RGL1: variants seen among roughly 807,000 people sequenced by gnomAD.
RGL1 encodes ral guanine nucleotide dissociation stimulator like 1.
In RGL1, 24 loss-of-function variants were observed where a neutral mutation model predicts 95.2. The ratio of observed to expected loss-of-function variants is 0.25; its 90% CI spans 0.18 to 0.35. The LOEUF (loss-of-function observed/expected upper bound fraction) is 0.35. Among genes scored for constraint, RGL1 ranks in the 10% least tolerant of loss-of-function variants. The pLI is 1.00. For synonymous variants in RGL1, 329 were observed against 344.9 expected (o/e 0.95, Z 0.51); for missense variants, 715 against 936.3 (o/e 0.76, Z 3.08).
At chr1:183,848,219 C>T (rs889949830) in intron 3 of RGL1, among the ~76,000 whole-genome samples, 4 of 151,950 alleles carry the variant, frequency 2.6e-5, no homozygotes, top group African/African-American at 7.3e-5. Flanking sequence ...AATGATGATG[C>T]GATGATGATG....
At chr1:183,779,734 G>A (rs550030613) in intron 2 of RGL1, among the ~76,000 whole-genome samples, 1 of 152,124 alleles carries the variant, frequency 6.6e-6, no homozygotes, top group East Asian at 1.9e-4. Context: ...GATTGTGTTG[G>A]AAACTTTAAA....
At chr1:183,870,377 G>GT (rs1310733071) in intron 4 of RGL1, among the ~76,000 whole-genome samples, 1 of 117,480 alleles carries the variant, frequency 8.5e-6, no homozygotes, top group East Asian at 2.6e-4. Flanking sequence ...TCCGGCCAGG[G>GT]TAGGTGTCTT....
At chr1:183,883,954 TAG>T in intron 6 of RGL1, 44 bp downstream of exon 6, 1 of 1,604,876 alleles carries the variant, frequency 6.2e-7, no homozygotes, top group Admixed American at 1.7e-5. Context: ...ACTTAAAACA[TAG>T]GGGAGTGATG....
intron 2 of RGL1, among the ~76,000 whole-genome samples, chr1:183,834,297 A>G (rs1663479710): frequency 6.6e-6 from 1 of 152,208 alleles, no homozygotes; most frequent in Non-Finnish European, 1.5e-5. Flanking sequence ...CACTACCGAG[A>G]TAGCTAGTTC....
At chr1:183,785,009 G>A (rs561811822) in intron 2 of RGL1, among the ~76,000 whole-genome samples, 3 of 152,100 alleles carry the variant, frequency 2.0e-5, no homozygotes, top group Admixed American at 6.5e-5. Flanking sequence ...CTTTTCATGT[G>A]GCTTCTGGAA....
chr1:183,847,509 C>T, intron 2 of RGL1, 57 bp from the exon 3 acceptor site: 1 of 1,420,780 alleles, frequency 7.0e-7, no homozygotes, highest in Non-Finnish European at 9.8e-7. Flanking sequence ...TTCAATGCTT[C>T]CAATTTTACT....
intron 2 of RGL1, among the ~76,000 whole-genome samples, chr1:183,777,463 G>A (rs1003827105): frequency 2.6e-5 from 4 of 152,182 alleles, no homozygotes; most frequent in African/African-American, 9.7e-5. Context: ...CAGGGATGAA[G>A]GAGGATTACA....
chr1:183,879,508 C>G (rs1216548511), intron 4 of RGL1, among the ~76,000 whole-genome samples: 1 of 152,128 alleles, frequency 6.6e-6, no homozygotes, highest in Non-Finnish European at 1.5e-5. Context: ...TTCTTTTTGG[C>G]TGAAAAATTT....
At chr1:183,689,816 A>C (rs1653837216) in intron 1 of RGL1, among the ~76,000 whole-genome samples, 1 of 152,160 alleles carries the variant, frequency 6.6e-6, no homozygotes, top group African/African-American at 2.4e-5. Context: ...GGATGGGTTG[A>C]TTATGCAATA....
At chr1:183,689,758 G>C (rs1267940882) in intron 1 of RGL1, among the ~76,000 whole-genome samples, 1 of 152,140 alleles carries the variant, frequency 6.6e-6, no homozygotes, top group Non-Finnish European at 1.5e-5. Flanking sequence ...CATCCTTGTG[G>C]GGCAAGTAGG....
At chr1:183,812,175 A>C (rs6656931) in intron 2 of RGL1, among the ~76,000 whole-genome samples, 4,567 of 152,316 alleles carry the variant, frequency 0.03, 237 homozygotes, top group African/African-American at 0.1. Context: ...AATTTGTACC[A>C]TCATATTCTT....
At chr1:183,663,233 GT>G (rs1651774751) in intron 1 of RGL1, among the ~76,000 whole-genome samples, 1 of 152,026 alleles carries the variant, frequency 6.6e-6, no homozygotes, top group South Asian at 2.1e-4. Context: ...AAACTAAAGA[GT>G]TTTTGCACAG....
chr1:183,846,085 C>T (rs1441053562), intron 2 of RGL1, among the ~76,000 whole-genome samples: 1 of 152,180 alleles, frequency 6.6e-6, no homozygotes, highest in Non-Finnish European at 1.5e-5. Flanking sequence ...TATAAAGACA[C>T]ATGCACACGT....
At chr1:183,720,171 A>G (rs2102201888) in intron 1 of RGL1, among the ~76,000 whole-genome samples, 1 of 152,354 alleles carries the variant, frequency 6.6e-6, no homozygotes, top group South Asian at 2.1e-4. Context: ...AATGAAGTAA[A>G]GGAAAAATAC....
Position 183,715,683 on chromosome 1 carries a change from C to T in RGL1, c.-32-26443C>T, listed in dbSNP as rs73057758. Among the ~76,000 whole-genome samples the T allele has an allele frequency of 6.6e-3, 983 of 149,350 alleles. 12 individuals are homozygous for T. Among genetic ancestry groups the T allele is most frequent in the African/African-American group, 0.022 (902 of 40,766 alleles). On this transcript the variant is annotated intron_variant, in intron 1 of 18. Coordinates refer to the RGL1 transcript ENST00000304685. ...ATTATCTTCAGATACATATTAGTCT[C>T]GATTACCCAGAGAAACAGAACCAAT...
intron 4 of RGL1, among the ~76,000 whole-genome samples, chr1:183,879,459 A>G (rs554189963): frequency 3.2e-4 from 48 of 152,376 alleles, no homozygotes; most frequent in Non-Finnish European, 6.0e-4. Context: ...TTTGAAGTAT[A>G]ATTAGGTGAT....
chr1:183,818,590 T>TA (rs5779187), intron 2 of RGL1, among the ~76,000 whole-genome samples: 135,928 of 151,880 alleles, frequency 0.89, 61,597 homozygotes, highest in Non-Finnish European at 0.97. Context: ...ATCACACTAT[T>TA]AAAAAAAATG....
intron 1 of RGL1, among the ~76,000 whole-genome samples, chr1:183,720,096 A>G (rs1379690755): frequency 2.0e-5 from 3 of 152,238 alleles, no homozygotes; most frequent in Non-Finnish European, 4.4e-5. Flanking sequence ...AGCGTTAAAA[A>G]AATAGAGTCT....
chr1:183,651,546 C>T (rs1650752244), intron 1 of RGL1, among the ~76,000 whole-genome samples: 1 of 152,166 alleles, frequency 6.6e-6, no homozygotes, highest in Admixed American at 6.5e-5. Context: ...AAGCCTCAAT[C>T]CAGCTGTAGG....
Sources: allele counts gnomAD v4.1 joint callset (sites outside exome capture counted in the v4.1 genomes callset), GRCh38; gene constraint gnomAD v4.1.1; transcripts MANE v1.5; gene names NCBI Gene and HGNC (gene_info 2026-07-23, HGNC 2026-07-21).